Variants in BCAS1 observed in about 807,000 individuals in gnomAD.
BCAS1 encodes the protein breast carcinoma-amplified sequence 1.
In BCAS1, 46 loss-of-function variants were observed where a neutral mutation model predicts 65.4. The ratio of observed to expected loss-of-function variants is 0.70; its 90% CI spans 0.55 to 0.90. The LOEUF is 0.90. Ranked by LOEUF, BCAS1 falls within the 40% of genes least tolerant of loss-of-function variation. The pLI is 0.00. For synonymous variants in BCAS1, 298 were observed against 293.5 expected, an observed-to-expected ratio of 1.02 and a Z score of -0.16; for missense variants, 793 against 771.2, an observed-to-expected ratio of 1.03 and a Z score of -0.33.
At chr20:54,045,222 A>AC (rs931630098) in intron 3 of BCAS1, among the ~76,000 whole-genome samples, 32 of 149,098 alleles carry the variant, frequency 2.1e-4, no homozygotes, top group South Asian at 4.3e-4. Flanking sequence ...AAAAAAAAAA[A>AC]AAAACAAAAC....
At chr20:53,956,522 C>T (rs899039639) in intron 11 of BCAS1, among the ~76,000 whole-genome samples, 3 of 152,174 alleles carry the variant, frequency 2.0e-5, no homozygotes, top group Non-Finnish European at 4.4e-5. Context: ...CCCTCTATAC[C>T]AGAAATGTTC....
intron 4 of BCAS1, among the ~76,000 whole-genome samples, chr20:54,022,426 C>T (rs2091581527): frequency 6.6e-6 from 1 of 152,198 alleles, no homozygotes; most frequent in Non-Finnish European, 1.5e-5. Context: ...AAGTTTCTAA[C>T]AATTTAGAAA....
Position 53,977,497 on chromosome 20 carries a change from C to A in BCAS1, c.1276-2067G>T, listed in dbSNP as rs555136450. Among the ~76,000 whole-genome samples, 4 of 152,278 alleles carry A rather than the reference C, an allele frequency of 2.6e-5. No homozygotes were observed. The South Asian group carries it at 8.3e-4, about 32-fold the overall frequency. ...AGAACAGCACTTCTAGGTTTACATA[C>A]CCTTTTTCCTGTCCCAGTTTATTGC... On this transcript the variant is annotated intron_variant, in intron 8 of 12. Transcript: ENST00000688948.
intron 4 of BCAS1, among the ~76,000 whole-genome samples, chr20:54,017,193 C>T (rs1490980166): frequency 6.6e-6 from 1 of 152,142 alleles, no homozygotes; most frequent in Non-Finnish European, 1.5e-5. Flanking sequence ...TCTTTTCTCC[C>T]TCAGCAACTC....
At chr20:54,017,436 C>T (rs2146004740) in intron 4 of BCAS1, among the ~76,000 whole-genome samples, 1 of 149,636 alleles carries the variant, frequency 6.7e-6, no homozygotes, top group Non-Finnish European at 1.5e-5. Context: ...CGCTCTGTTG[C>T]CCAGGCTGGA....
chr20:54,024,714 T>C (rs566823730), intron 4 of BCAS1, among the ~76,000 whole-genome samples: 79 of 152,090 alleles, frequency 5.2e-4, no homozygotes, highest in Non-Finnish European at 6.6e-4. Context: ...AAGGATGTTG[T>C]TTCAAACAGC....
At chr20:54,055,776 A>C (rs1474477111) in intron 3 of BCAS1, among the ~76,000 whole-genome samples, 2 of 152,200 alleles carry the variant, frequency 1.3e-5, no homozygotes, top group African/African-American at 2.4e-5. Flanking sequence ...GATGAATGGA[A>C]AAAGGAAATA....
At chr20:54,004,638 C>A (rs2091141366) in intron 4 of BCAS1, among the ~76,000 whole-genome samples, 1 of 152,198 alleles carries the variant, frequency 6.6e-6, no homozygotes, top group Non-Finnish European at 1.5e-5. Context: ...ATGAATTCAT[C>A]CTCACTCAGT....
chr20:54,040,451 G>A (rs1238949680), intron 3 of BCAS1, among the ~76,000 whole-genome samples: 1 of 151,080 alleles, frequency 6.6e-6, no homozygotes, highest in African/African-American at 2.4e-5. Context: ...ATTGCCAAAG[G>A]GTGACTATTA....
chr20:54,027,728 C>G (rs2091704239), intron 4 of BCAS1, among the ~76,000 whole-genome samples: 1 of 151,862 alleles, frequency 6.6e-6, no homozygotes, highest in Non-Finnish European at 1.5e-5. Flanking sequence ...GCTTGCCTTT[C>G]TTCGCTCAGG....
In BCAS1 at chr20:53,966,967, G is replaced by T. The variant is rs539868796; in HGVS notation, c.1424C>A (p.Ala475Glu). 1 of 1,613,044 alleles carries T rather than the reference G, an allele frequency of 6.2e-7. No homozygotes were observed. Among genetic ancestry groups the T allele is most frequent in the African/African-American group, 1.3e-5 (1 of 74,958 alleles). Residue 475 changes from alanine (A) to glutamate (E), a missense_variant, in exon 10 of 13, where the codon GCG becomes GAG. Physicochemically the swap from Ala to Glu is moderately radical, Grantham distance 107 (BLOSUM62 -1). Transcript: ENST00000688948. ...EGDAAPEPTE[A>E]KLKREESKPR... ...TTTGCTTTCTTCTCTTTTGAGTTTC[G>T]CTTCTGTGGGTTCAGGTGCAGCATC... is the stretch of plus-strand genomic sequence containing the variant.
At chr20:54,016,991 A>G (rs1031319890) in intron 4 of BCAS1, among the ~76,000 whole-genome samples, 2 of 152,228 alleles carry the variant, frequency 1.3e-5, no homozygotes, top group African/African-American at 2.4e-5. Context: ...ACACGGGGGT[A>G]GCAGAAGTCT....
intron 4 of BCAS1, among the ~76,000 whole-genome samples, chr20:54,013,111 A>G (rs1216084747): frequency 6.6e-6 from 1 of 152,242 alleles, no homozygotes; most frequent in East Asian, 1.9e-4. Flanking sequence ...CATACGTTGT[A>G]TGGCTGATGA....
chr20:53,979,854 C>A (rs74691894), intron 8 of BCAS1, among the ~76,000 whole-genome samples: 21,409 of 152,190 alleles, frequency 0.14, 1,745 homozygotes, highest in South Asian at 0.21. Flanking sequence ...TTAGCAACAG[C>A]AATTTTTATA....
At position 53,992,546 on chromosome 20, in the gene BCAS1, A is replaced by G. The variant is rs1181073479; in HGVS notation, c.1028T>C (p.Leu343Pro). Residue 343 changes from leucine (L) to proline (P), a missense_variant, in exon 7 of 13, where the codon CTA becomes CCA. By Grantham distance (98) the Leu-to-Pro change is moderately conservative. Transcript: ENST00000688948. ...AAAGAATTTTCTAAAGGCGAGTCCT[A>G]GCCTGGGGCTATCCAGGTGCTTTTT... ...TKKKHLDSPR[L>P]GLAFRKFFRH... 1.5e-6 allele frequency: 2 copies of G among 1,365,216 alleles called. No individual in the cohort carries two copies. The highest frequency in any genetic ancestry group is 9.1e-5 in the East Asian group (2 of 21,984). The allele number at this position is 1,365,216 out of a possible 1,614,324, so 84.6% of individuals were successfully genotyped here.
intron 1 of BCAS1, 73 bp from the exon 2 acceptor site, chr20:54,058,796 C>CAG (rs1215470399): frequency 6.4e-7 from 1 of 1,568,048 alleles, no homozygotes; most frequent in Non-Finnish European, 8.6e-7. Flanking sequence ...TACTAAGGTG[C>CAG]AGAGGCCTGA....
chr20:53,963,770 G>C (rs2089953204), intron 10 of BCAS1, among the ~76,000 whole-genome samples: 1 of 152,200 alleles, frequency 6.6e-6, no homozygotes, highest in Admixed American at 6.5e-5. Flanking sequence ...CGAAGACTTT[G>C]AATCAGTTTG....
At chr20:54,043,392 C>A (rs1313161008) in intron 3 of BCAS1, among the ~76,000 whole-genome samples, 1 of 152,116 alleles carries the variant, frequency 6.6e-6, no homozygotes, top group Non-Finnish European at 1.5e-5. Context: ...AAATAAACCT[C>A]ACACTATCGG....
chr20:54,031,854 G>A (rs2091807783), intron 3 of BCAS1, among the ~76,000 whole-genome samples: 1 of 151,084 alleles, frequency 6.6e-6, no homozygotes, highest in Non-Finnish European at 1.5e-5. Context: ...CCAAATCTAT[G>A]ATTGATTGGG....
Sources: allele counts gnomAD v4.1 joint callset (sites outside exome capture counted in the v4.1 genomes callset), GRCh38; gene constraint gnomAD v4.1.1; transcripts MANE v1.5; gene names NCBI Gene and HGNC (gene_info 2026-07-23, HGNC 2026-07-21).